Variants in CACNA1B observed in about 807,000 individuals in gnomAD.
The protein encoded by CACNA1B is voltage-dependent N-type calcium channel subunit alpha-1B.
Under a neutral mutation model 247.2 loss-of-function variants are expected in CACNA1B, and 70 were observed. The ratio of observed to expected loss-of-function variants is 0.28; its 90% CI spans 0.23 to 0.35. CACNA1B has a LOEUF of 0.35. Ranked by LOEUF, CACNA1B falls within the 10% of genes least tolerant of loss-of-function variation. The probability of loss-of-function intolerance (pLI) is 1.00; values close to 1 mark genes in which losing one functional copy is unlikely to be tolerated. For synonymous variants in CACNA1B, 1,231 were observed against 1,294.4 expected (o/e 0.95, Z 1.05); for missense variants, 2,367 against 3,197.4 (o/e 0.74, Z 6.26).
At chr9:137,976,110 G>A (rs1239854275) in intron 12 of CACNA1B, 91 bp downstream of exon 12, 1 of 814,454 alleles carries the variant, frequency 1.2e-6, no homozygotes, top group Non-Finnish European at 2.1e-6. Context: ...AGTGTGGGCT[G>A]GGGTCTGTGA....
chr9:137,904,665 C>T (rs2133263917), intron 3 of CACNA1B, among the ~76,000 whole-genome samples: 1 of 152,122 alleles, frequency 6.6e-6, no homozygotes, highest in African/African-American at 2.4e-5. Context: ...ACTGCACTGC[C>T]TCCGCCTCCC....
chr9:138,071,870 C>G (rs1043351743), intron 32 of CACNA1B, among the ~76,000 whole-genome samples: 3 of 152,030 alleles, frequency 2.0e-5, no homozygotes, highest in African/African-American at 4.8e-5. Context: ...ACCCCCTGAG[C>G]ACAAGGTTTC....
chr9:137,940,190 AAAAG>A (rs1213705225), intron 6 of CACNA1B, among the ~76,000 whole-genome samples: 3 of 152,346 alleles, frequency 2.0e-5, no homozygotes, highest in African/African-American at 7.2e-5. Context: ...AACCAAGAAA[AAAAG>A]AGAGAAAATC....
At chr9:137,911,937 C>T (rs1254757909) in intron 3 of CACNA1B, among the ~76,000 whole-genome samples, 2 of 152,142 alleles carry the variant, frequency 1.3e-5, no homozygotes, top group South Asian at 2.1e-4. Flanking sequence ...GTGACTGGTG[C>T]GATCCGCTGA....
chr9:137,973,372 C>T lies in CACNA1B; in HGVS notation c.1543+1780C>T, dbSNP rs1169184516. Among the ~76,000 whole-genome samples, 2 of 152,172 alleles carry T rather than the reference C, an allele frequency of 1.3e-5. No homozygotes were observed. Among genetic ancestry groups the T allele is most frequent in the Non-Finnish European group, 2.9e-5 (2 of 68,016 alleles). ...CTTGCCAGAGGCGAGGGGGTGTGGC[C>T]GCCCAGCCTAGAGCAGCTTTGCAGG... is the stretch of plus-strand genomic sequence containing the variant. On this transcript the variant is annotated intron_variant, in intron 11 of 46. Transcript: ENST00000371372. This position sits in a 1 kb window ranked among gnomAD's most constrained non-coding sequence, Gnocchi z 4.1.
At position 138,007,599 on chromosome 9, in the gene CACNA1B, C is replaced by T. The variant is rs1234871571; in HGVS notation, c.2092+715C>T. Among the ~76,000 whole-genome samples the T allele has an allele frequency of 6.6e-6, 1 of 152,138 alleles. No homozygotes were observed. The highest frequency in any genetic ancestry group is 6.5e-5 in the Admixed American group (1 of 15,278). ...AAACTCATCTGGGCATCACAGTCCC[C>T]TGAGGGATGGTAAGCCTGGATTCCA... On this transcript the variant is annotated intron_variant, in intron 16 of 46. Transcript: ENST00000371372. This position sits in a 1 kb window ranked among gnomAD's most constrained non-coding sequence, Gnocchi z 4.1.
At chr9:137,909,661 A>G (rs981989904) in intron 3 of CACNA1B, among the ~76,000 whole-genome samples, 2 of 152,160 alleles carry the variant, frequency 1.3e-5, no homozygotes, top group Non-Finnish European at 2.9e-5. Flanking sequence ...CGCTGCTATG[A>G]GCGTTGCTGT....
chr9:137,961,375 C>G (rs116146307), intron 10 of CACNA1B, among the ~76,000 whole-genome samples: 9 of 152,148 alleles, frequency 5.9e-5, no homozygotes, highest in African/African-American at 2.2e-4. Context: ...TTTATCTTGC[C>G]AGATTGCTCT....
chr9:138,036,795 C>T (rs988536452), intron 20 of CACNA1B, among the ~76,000 whole-genome samples: 2 of 152,174 alleles, frequency 1.3e-5, no homozygotes, highest in African/African-American at 2.4e-5. Flanking sequence ...GTTTCACTTA[C>T]GCTTCTTCTT....
chr9:138,092,719 G>A (rs978047644), intron 36 of CACNA1B, among the ~76,000 whole-genome samples: 8 of 152,172 alleles, frequency 5.3e-5, no homozygotes, highest in South Asian at 2.1e-4. Flanking sequence ...CCATGAAATC[G>A]TCACAATTTA....
At chr9:137,945,428 T>G (rs1225857002) in intron 6 of CACNA1B, among the ~76,000 whole-genome samples, 1 of 152,234 alleles carries the variant, frequency 6.6e-6, no homozygotes, top group Non-Finnish European at 1.5e-5. Context: ...GGCCCCATCT[T>G]AGTTTGTCAG....
At position 137,913,593 on chromosome 9, in the gene CACNA1B, C is replaced by T. The variant is rs3923005; in HGVS notation, c.622+322C>T. On this transcript the variant is annotated intron_variant, in intron 4 of 46. Coordinates refer to ENST00000371372, the MANE Select transcript of CACNA1B (RefSeq NM_000718.4). This position sits in a 1 kb window ranked among gnomAD's most constrained non-coding sequence, Gnocchi z 5.2. Reference sequence around the variant, plus strand: ...GGTAAAGAATGGATGAGAGGTTGACCAAGGTGGTGGGGAAGGATGCCTGAG... The same window carrying T: ...GGTAAAGAATGGATGAGAGGTTGACTAAGGTGGTGGGGAAGGATGCCTGAG... 3.6e-3 allele frequency among the ~76,000 whole-genome samples: 549 copies of T among 152,268 alleles called. 3 individuals are homozygous for T. The highest frequency in any genetic ancestry group is 0.012 in the African/African-American group (517 of 41,578).
intron 31 of CACNA1B, among the ~76,000 whole-genome samples, chr9:138,062,676 G>A (rs1448184011): frequency 5.9e-5 from 9 of 152,224 alleles, no homozygotes; most frequent in Admixed American, 2.0e-4. Context: ...AATGCTGGGT[G>A]TCTGCACTGA....
chr9:138,029,679 C>T (rs1436360015), intron 20 of CACNA1B, among the ~76,000 whole-genome samples: 8 of 148,900 alleles, frequency 5.4e-5, no homozygotes, highest in African/African-American at 1.5e-4. Context: ...GGTGCCATCT[C>T]GGCTCACTGC....
intron 10 of CACNA1B, among the ~76,000 whole-genome samples, chr9:137,968,382 G>A (rs186602857): frequency 5.3e-5 from 8 of 152,336 alleles, no homozygotes; most frequent in Non-Finnish European, 8.8e-5. Flanking sequence ...GTTGAGCCCC[G>A]CTGAGCTTGG....
chr9:137,965,901 G>A (rs543865670), intron 10 of CACNA1B, among the ~76,000 whole-genome samples: 1 of 152,212 alleles, frequency 6.6e-6, no homozygotes, highest in African/African-American at 2.4e-5. Context: ...TTTTTATGAA[G>A]TTCCTCTTGT....
chr9:138,074,315 A>G (rs1013842182), intron 34 of CACNA1B, among the ~76,000 whole-genome samples: 1 of 150,664 alleles, frequency 6.6e-6, no homozygotes, highest in African/African-American at 2.5e-5. Flanking sequence ...ATCTTGGCTC[A>G]CTGCAACCTC....
At chr9:138,096,910 G>A (rs556723779) in intron 37 of CACNA1B, among the ~76,000 whole-genome samples, 1 of 150,958 alleles carries the variant, frequency 6.6e-6, no homozygotes, top group East Asian at 1.9e-4. Context: ...GTTTTCAAGG[G>A]GCTTGTGAGA....
chr9:138,094,525 A>T (rs1960996666), intron 36 of CACNA1B, among the ~76,000 whole-genome samples: 1 of 152,034 alleles, frequency 6.6e-6, no homozygotes, highest in Non-Finnish European at 1.5e-5. Context: ...AACACTTCCT[A>T]ACACATTCTG....
Sources: allele counts gnomAD v4.1 joint callset (sites outside exome capture counted in the v4.1 genomes callset), GRCh38; gene constraint gnomAD v4.1.1; non-coding constraint Gnocchi (gnomAD v3.1); transcripts MANE v1.5; gene names NCBI Gene and HGNC (gene_info 2026-07-23, HGNC 2026-07-21).